ZNF131: variants seen among roughly 807,000 people sequenced by gnomAD.
ZNF131 encodes the protein zinc finger and BTB domain containing 35.
In ZNF131, 7 loss-of-function variants were observed where a neutral mutation model predicts 60.0. The observed-to-expected ratio is 0.12, with a 90% confidence interval of 0.07 to 0.22. The LOEUF (loss-of-function observed/expected upper bound fraction) is 0.22, where lower values mean the gene tolerates loss of function less well. ZNF131 is among the 10% of genes least tolerant of loss of function. The pLI, the probability that ZNF131 is intolerant of heterozygous loss-of-function variation, is 1.00. For synonymous variants in ZNF131, 257 were observed against 253.2 expected, an observed-to-expected ratio of 1.01 and a Z score of -0.14; for missense variants, 493 against 740.9, an observed-to-expected ratio of 0.67 and a Z score of 3.88.
At chr5:43,147,237 T>A (rs1747709373) in intron 4 of ZNF131, among the ~76,000 whole-genome samples, 1 of 152,080 alleles carries the variant, frequency 6.6e-6, no homozygotes, top group Non-Finnish European at 1.5e-5. Context: ...ATGTTTTTTT[T>A]TAAGATTTTA....
chr5:43,150,661 A>G (rs1044940987), intron 4 of ZNF131, among the ~76,000 whole-genome samples: 2 of 152,136 alleles, frequency 1.3e-5, no homozygotes, highest in African/African-American at 4.8e-5. Context: ...GCACGGTGAC[A>G]CATGCCTGTA....
chr5:43,174,066 A>G lies in ZNF131; in HGVS notation c.1186-381A>G, dbSNP rs896780459. ...AACGTGCTGAAACCCTGTCTCTACT[A>G]AAAATACAAAAGTTAGCCAGGCGTG... On this transcript the variant is annotated intron_variant, in intron 6 of 6. Coordinates refer to ENST00000682664, the MANE Select transcript of ZNF131 (RefSeq NM_001330707.2). Among the ~76,000 whole-genome samples, 8 of 152,280 alleles carry G rather than the reference A, an allele frequency of 5.3e-5. No homozygotes were observed. In the East Asian group the frequency reaches 1.5e-3, roughly 29 times the overall value.
At chr5:43,154,192 G>A (rs1265145931) in intron 4 of ZNF131, among the ~76,000 whole-genome samples, 1 of 152,072 alleles carries the variant, frequency 6.6e-6, no homozygotes, top group African/African-American at 2.4e-5. Context: ...TGGGCAGATT[G>A]TCTGAGGTCA....
intron 3 of ZNF131, among the ~76,000 whole-genome samples, chr5:43,134,495 C>T (rs972297659): frequency 2.6e-5 from 4 of 152,022 alleles, no homozygotes; most frequent in African/African-American, 9.7e-5. Flanking sequence ...TACTGGAAAT[C>T]CTCGTTAGAG....
chr5:43,126,795 CAG>C (rs1300136238), intron 3 of ZNF131, among the ~76,000 whole-genome samples: 4 of 152,160 alleles, frequency 2.6e-5, no homozygotes, highest in African/African-American at 9.7e-5. Flanking sequence ...TGTGCAGACT[CAG>C]GATTGGGGCT....
intron 4 of ZNF131, among the ~76,000 whole-genome samples, chr5:43,160,071 G>A (rs541899678): frequency 5.7e-4 from 86 of 152,102 alleles, no homozygotes; most frequent in Middle Eastern, 3.4e-3. Context: ...AGCTGCTTGG[G>A]AGGCTGAGGC....
Position 43,124,859 on chromosome 5 carries a change from C to G in ZNF131, c.226+1549C>G, listed in dbSNP as rs573763492. ...AAGAAACATTAGGGAGACCTCTTCT[C>G]TACAAAAAATTTAAAAAATTATTAG... On this transcript the variant is annotated intron_variant, in intron 3 of 6. Coordinates refer to ENST00000682664, the MANE Select transcript of ZNF131 (RefSeq NM_001330707.2). The G allele has an allele frequency of 4.1e-5, 6 of 145,242 alleles. No individual in the cohort carries two copies. In the South Asian group the frequency reaches 1.3e-3, roughly 31 times the overall value. The allele number at this position is 145,242 out of a possible 1,614,324, so 9.0% of individuals were successfully genotyped here.
chr5:43,125,609 T>G (rs1744438437), intron 3 of ZNF131, among the ~76,000 whole-genome samples: 1 of 151,806 alleles, frequency 6.6e-6, no homozygotes, highest in South Asian at 2.1e-4. Flanking sequence ...GGTGAAACCC[T>G]GTCTCTACTA....
At chr5:43,123,495 C>T (rs1744133018) in intron 3 of ZNF131, 185 bp downstream of exon 3, 1 of 440,272 alleles carries the variant, frequency 2.3e-6, no homozygotes, top group Non-Finnish European at 3.9e-6. Context: ...TCTTTTGATA[C>T]CTGAGAAGTC....
chr5:43,128,338 A>G (rs138732531), intron 3 of ZNF131, among the ~76,000 whole-genome samples: 93 of 152,292 alleles, frequency 6.1e-4, no homozygotes, highest in Non-Finnish European at 1.2e-3. Context: ...TTCCTAGGAC[A>G]GTGTTGGGCT....
chr5:43,158,408 G>C (rs945894793), intron 4 of ZNF131, among the ~76,000 whole-genome samples: 5 of 152,154 alleles, frequency 3.3e-5, no homozygotes, highest in Admixed American at 2.0e-4. Context: ...TCCTGCCTCA[G>C]CCTCCCAAAT....
In ZNF131 at chr5:43,134,693, CT is replaced by C. The variant is rs149464238; in HGVS notation, c.227-4450del. Among the ~76,000 whole-genome samples, 524 of 88,406 alleles carry C rather than the reference CT, an allele frequency of 5.9e-3. 2 individuals carry two copies. The highest frequency in any genetic ancestry group is 0.018 in the African/African-American group (406 of 22,220). The allele number at this position is 88,406 out of a possible 152,430, so 58.0% of individuals were successfully genotyped here. ...AAAAGTCAGTTGCTTTTCTTTTTTT[CT>C]TTTTTTTTTTTTTTTTTTTTTGGGA... On this transcript the variant is annotated intron_variant, in intron 3 of 6. Coordinates refer to ENST00000682664, the MANE Select transcript of ZNF131 (RefSeq NM_001330707.2).
At chr5:43,126,092 C>T (rs1744513270) in intron 3 of ZNF131, among the ~76,000 whole-genome samples, 1 of 150,936 alleles carries the variant, frequency 6.6e-6, no homozygotes, top group Admixed American at 6.6e-5. Context: ...GGAGAAAGCC[C>T]TGGGCATATA....
intron 3 of ZNF131, among the ~76,000 whole-genome samples, chr5:43,133,271 C>G (rs1397146882): frequency 6.6e-6 from 1 of 152,104 alleles, no homozygotes; most frequent in Admixed American, 6.6e-5. Flanking sequence ...TGAGACCAGC[C>G]TAGCCAACAT....
At chr5:43,140,473 G>A (rs1746672460) in intron 4 of ZNF131, among the ~76,000 whole-genome samples, 1 of 152,168 alleles carries the variant, frequency 6.6e-6, no homozygotes, top group Non-Finnish European at 1.5e-5. Flanking sequence ...TGTGAGGGTT[G>A]AATGAATTAA....
intron 4 of ZNF131, among the ~76,000 whole-genome samples, chr5:43,148,366 G>A (rs1023112675): frequency 3.3e-4 from 50 of 152,158 alleles, no homozygotes; most frequent in African/African-American, 1.1e-3. Flanking sequence ...GCAACAGAAC[G>A]AGACCCTGTC....
chr5:43,152,993 C>T (rs903445057), intron 4 of ZNF131, among the ~76,000 whole-genome samples: 1 of 152,152 alleles, frequency 6.6e-6, no homozygotes, highest in Non-Finnish European at 1.5e-5. Flanking sequence ...ATTGTCATTC[C>T]TCCTTCACCT....
chr5:43,174,657 G>C lies in ZNF131; in HGVS notation c.1396G>C (p.Val466Leu). The C allele has an allele frequency of 6.2e-7, 1 of 1,614,214 alleles. No homozygotes were observed. The highest frequency in any genetic ancestry group is 8.5e-7 in the Non-Finnish European group (1 of 1,180,038). The part of the protein sequence containing the change: ...SVETRVQTEP[V>L]TSMTIIEQVG... ...AGAAACACGTGTGCAAACTGAACCT[G>C]TAACATCAATGACTATTATAGAACA... The change falls in exon 7 of 7, where the codon GTA (valine) becomes CTA (leucine). Residue 466 changes from valine (V) to leucine (L), a missense_variant. Coordinates refer to ENST00000682664, the MANE Select transcript of ZNF131 (RefSeq NM_001330707.2).
intron 4 of ZNF131, among the ~76,000 whole-genome samples, chr5:43,154,437 GA>G (rs1200974935): frequency 6.6e-6 from 1 of 151,844 alleles, no homozygotes; most frequent in Non-Finnish European, 1.5e-5. Context: ...AGAAGTGTCA[GA>G]AATGTCGGCA....
Sources: gnomAD v4.1 joint callset for allele counts (sites outside exome capture counted in the v4.1 genomes callset) on GRCh38, gnomAD v4.1.1 for gene constraint, MANE v1.5 for transcripts, NCBI Gene and HGNC (gene_info 2026-07-23, HGNC 2026-07-21) for gene names.